The following NAV2 variants were observed in gnomAD, a reference collection of about 807,000 sequenced individuals.
NAV2 encodes neuron navigator 2.
In NAV2, 54 loss-of-function variants were observed where a neutral mutation model predicts 223.2. The ratio of observed to expected loss-of-function variants is 0.24; its 90% CI spans 0.19 to 0.30. NAV2 has a LOEUF of 0.30. NAV2 is among the 10% of genes least tolerant of loss of function. The probability of loss-of-function intolerance (pLI) is 1.00; values close to 1 mark genes in which losing one functional copy is unlikely to be tolerated. For synonymous variants in NAV2, 1,279 were observed against 1,239.3 expected (o/e 1.03, Z -0.67); for missense variants, 2,806 against 3,147.5 (o/e 0.89, Z 2.60).
In NAV2 at chr11:20,068,226, T is replaced by C; in HGVS notation, c.4908+17T>C. The stretch of plus-strand genomic sequence containing the variant: ...CAGTCAGAGGTAAGGAACAGCTTTC[T>C]GGTTGGATTTCCTCTTTAAGTATTG... On this transcript the variant is annotated intron_variant, in intron 21 of 37. Transcript: ENST00000349880. 1 of 1,613,936 alleles carries C rather than the reference T, an allele frequency of 6.2e-7. No individual in the cohort carries two copies. The highest frequency in any genetic ancestry group is 8.5e-7 in the Non-Finnish European group (1 of 1,179,784).
intron 1 of NAV2, among the ~76,000 whole-genome samples, chr11:19,579,637 G>A (rs903942482): frequency 4.6e-5 from 7 of 152,200 alleles, no homozygotes; most frequent in African/African-American, 1.7e-4. Flanking sequence ...TCGTTGTAAG[G>A]CAATAAGAAA....
At chr11:19,810,500 C>T (rs1429715628) in intron 1 of NAV2, among the ~76,000 whole-genome samples, 2 of 152,272 alleles carry the variant, frequency 1.3e-5, no homozygotes, top group African/African-American at 4.8e-5. Context: ...GATATGTACA[C>T]GTATCTACGA....
At chr11:20,009,303 G>T (rs1210787403) in intron 11 of NAV2, among the ~76,000 whole-genome samples, 1 of 152,110 alleles carries the variant, frequency 6.6e-6, no homozygotes, top group Admixed American at 6.5e-5. Context: ...AGCGTCTAGA[G>T]TAACTTCAGT....
chr11:20,012,876 G>C (rs923568978), intron 11 of NAV2, among the ~76,000 whole-genome samples: 1 of 152,182 alleles, frequency 6.6e-6, no homozygotes, highest in Non-Finnish European at 1.5e-5. Context: ...TCAGAAGCCT[G>C]GGGGCTTACC....
chr11:19,988,211 C>A (rs1283163776), intron 11 of NAV2, among the ~76,000 whole-genome samples: 4 of 152,196 alleles, frequency 2.6e-5, no homozygotes, highest in Non-Finnish European at 5.9e-5. Context: ...TAGCACACAA[C>A]GGGCTGAGCC....
intron 1 of NAV2, among the ~76,000 whole-genome samples, chr11:19,454,799 G>A (rs1407864487): frequency 1.3e-5 from 2 of 152,198 alleles, no homozygotes; most frequent in Non-Finnish European, 2.9e-5. Context: ...GAGCTAGCAA[G>A]GGGAGTGTTG....
chr11:19,737,632 A>G (rs1412203708), intron 1 of NAV2, among the ~76,000 whole-genome samples: 1 of 152,216 alleles, frequency 6.6e-6, no homozygotes, highest in African/African-American at 2.4e-5. Context: ...GCATTTATTT[A>G]TACTCTGAGC....
intron 1 of NAV2, among the ~76,000 whole-genome samples, chr11:19,365,699 C>A (rs1341596692): frequency 2.6e-5 from 4 of 152,184 alleles, no homozygotes; most frequent in Non-Finnish European, 5.9e-5. Context: ...AGAGTCATAG[C>A]ATAAATACTC....
chr11:19,976,258 G>A (rs716667), intron 10 of NAV2, among the ~76,000 whole-genome samples: 84,792 of 151,838 alleles, frequency 0.56, 24,516 homozygotes, highest in Middle Eastern at 0.71. Flanking sequence ...TGCTTTTTAA[G>A]ACAGCTTCCA....
At chr11:19,689,061 C>T (rs1317404902) in intron 1 of NAV2, among the ~76,000 whole-genome samples, 1 of 152,142 alleles carries the variant, frequency 6.6e-6, no homozygotes, top group African/African-American at 2.4e-5. Flanking sequence ...ACAAAGAGCT[C>T]CTGGAGGCAT....
In NAV2 at chr11:20,045,043, C is replaced by A; in HGVS notation, c.3275C>A (p.Ser1092Ter). The change falls in exon 14 of 38, where the codon TCA becomes TAA. Residue 1092 changes from serine (S) to a stop codon, truncating the protein, a stop_gained. Transcript: ENST00000349880. LOFTEE classifies it high-confidence loss of function. ...GCCTCCCAGGTGAAGCGCTCCCCAT[C>A]AGATGCAGGCCGGAGCAGTGGTGAC... ...PKASQVKRSPSDAGRSSGDES... is the reference protein window; with the variant it reads ...PKASQVKRSP 6.2e-7 allele frequency: 1 copy of A among 1,614,144 alleles called. No individual in the cohort carries two copies. Among genetic ancestry groups the A allele is most frequent in the Non-Finnish European group, 8.5e-7 (1 of 1,180,028 alleles).
chr11:19,546,406 C>T (rs1705409069), intron 1 of NAV2, among the ~76,000 whole-genome samples: 1 of 152,208 alleles, frequency 6.6e-6, no homozygotes, highest in Non-Finnish European at 1.5e-5. Flanking sequence ...GTGTGGGGCC[C>T]AGATGGCAGA....
chr11:19,459,207 G>A (rs948738127), intron 1 of NAV2, among the ~76,000 whole-genome samples: 4 of 152,188 alleles, frequency 2.6e-5, no homozygotes, highest in African/African-American at 4.8e-5. Flanking sequence ...TGAATTGACC[G>A]GGGGTAGCTG....
intron 1 of NAV2, among the ~76,000 whole-genome samples, chr11:19,616,639 G>T (rs60435687): frequency 0.015 from 2,342 of 151,998 alleles, 65 homozygotes; most frequent in African/African-American, 0.054. Flanking sequence ...TGATGGGGAG[G>T]ACAGGGCTGT....
chr11:19,891,326 C>A (rs2041478774), intron 5 of NAV2, among the ~76,000 whole-genome samples: 1 of 152,162 alleles, frequency 6.6e-6, no homozygotes, highest in Non-Finnish European at 1.5e-5. Flanking sequence ...CTAAACATTT[C>A]ATCATTTATT....
intron 1 of NAV2, among the ~76,000 whole-genome samples, chr11:19,461,175 A>G (rs944174536): frequency 1.3e-5 from 2 of 152,066 alleles, no homozygotes; most frequent in African/African-American, 4.8e-5. Context: ...ATGCCACGGG[A>G]AAGTTGAAAT....
Position 19,959,246 on chromosome 11 carries a change from G to T in NAV2, c.2645+10166G>T, listed in dbSNP as rs140692463. Among the ~76,000 whole-genome samples the T allele has an allele frequency of 7.2e-5, 11 of 152,256 alleles. 1 individual carries two copies. The East Asian group carries it at 2.1e-3, about 29-fold the overall frequency. ...AGGAGAGTGTAGAATATGATTCCAG[G>T]AGCCTTAGGAAAACCCAGTCCCACA... On this transcript the variant is annotated intron_variant, in intron 10 of 37. Transcript: ENST00000349880.
chr11:19,776,607 TG>T (rs2056198948), intron 1 of NAV2, among the ~76,000 whole-genome samples: 3 of 103,322 alleles, frequency 2.9e-5, no homozygotes, highest in African/African-American at 9.9e-5. Flanking sequence ...TGTGTGTGTG[TG>T]GTTAGAGTTG....
intron 6 of NAV2, among the ~76,000 whole-genome samples, chr11:19,902,134 G>A (rs914529970): frequency 6.6e-6 from 1 of 152,200 alleles, no homozygotes; most frequent in Non-Finnish European, 1.5e-5. Context: ...AGGCACCTGA[G>A]TGACGTGCCC....
Sources: allele counts gnomAD v4.1 joint callset (sites outside exome capture counted in the v4.1 genomes callset), GRCh38; gene constraint gnomAD v4.1.1; transcripts MANE v1.5; gene names NCBI Gene and HGNC (gene_info 2026-07-23, HGNC 2026-07-21).